Variants in FIP1L1 observed in about 807,000 individuals in gnomAD.
FIP1L1 encodes the protein factor interacting with PAPOLA and CPSF1, also known as pre-mRNA 3'-end-processing factor FIP1.
A neutral mutation model predicts 84.6 loss-of-function variants in FIP1L1; 21 were observed. The ratio of observed to expected loss-of-function variants is 0.25; its 90% confidence interval spans 0.18 to 0.36. The LOEUF is 0.36. Among genes scored for constraint, FIP1L1 ranks in the 10% least tolerant of loss-of-function variants. The pLI, the probability that FIP1L1 is intolerant of heterozygous loss-of-function variation, is 1.00. For missense variants in FIP1L1, 526 were observed against 751.1 expected, an observed-to-expected ratio of 0.70 and a Z score of 3.50; for synonymous variants, 263 against 242.3, an observed-to-expected ratio of 1.09 and a Z score of -0.80.
chr4:53,421,494 C>T (rs1378506842), intron 11 of FIP1L1, among the ~76,000 whole-genome samples: 1 of 152,180 alleles, frequency 6.6e-6, no homozygotes. Flanking sequence ...CCTAACGTAG[C>T]TTAAAAGATG....
rs114416155 is a variant in FIP1L1 at position 53,408,252 on chromosome 4, G to A, written c.816-6363G>A. 9.6e-3 allele frequency among the ~76,000 whole-genome samples: 1,460 copies of A among 152,204 alleles called. 9 individuals carry two copies. The highest frequency in any genetic ancestry group is 0.015 in the South Asian group (70 of 4,814). ...AATATTTTATTTCTCCATCTCTTATGAAGCTTAATTTGGCTGGACATGAAA... is the reference window on the plus strand; with the variant it reads ...AATATTTTATTTCTCCATCTCTTATAAAGCTTAATTTGGCTGGACATGAAA... On this transcript the variant is annotated intron_variant, in intron 10 of 17. Transcript: ENST00000337488.
intron 5 of FIP1L1, among the ~76,000 whole-genome samples, chr4:53,386,311 A>G (rs1941580799): frequency 6.6e-6 from 1 of 152,174 alleles, no homozygotes; most frequent in Non-Finnish European, 1.5e-5. Flanking sequence ...TTACCATGCT[A>G]CAAAAGAACC....
At chr4:53,401,799 G>T (rs9997905) in intron 10 of FIP1L1, among the ~76,000 whole-genome samples, 12 of 152,202 alleles carry the variant, frequency 7.9e-5, no homozygotes, top group African/African-American at 2.9e-4. Context: ...CCTATTGGAC[G>T]TGCAAGTGGG....
intron 15 of FIP1L1, among the ~76,000 whole-genome samples, chr4:53,447,088 T>C (rs548811186): frequency 6.6e-6 from 1 of 152,072 alleles, no homozygotes; most frequent in African/African-American, 2.4e-5. Context: ...AAATACAGCT[T>C]CTTTGTTGGT....
chr4:53,433,156 C>T lies in FIP1L1; in HGVS notation c.1174+4973C>T, dbSNP rs554130685. 7.2e-5 allele frequency among the ~76,000 whole-genome samples: 11 copies of T among 152,248 alleles called. No homozygotes were observed. In the East Asian group the frequency reaches 2.1e-3, roughly 29 times the overall value. ...TTGTGGTAAAATACAATCTATTTGTCATTTTAGCCATTTATAAATATGTAG... is the reference window on the plus strand; with the variant it reads ...TTGTGGTAAAATACAATCTATTTGTTATTTTAGCCATTTATAAATATGTAG... On this transcript the variant is annotated intron_variant, in intron 13 of 17. Coordinates refer to ENST00000337488, the MANE Select transcript of FIP1L1 (RefSeq NM_030917.4).
chr4:53,411,829 G>T (rs1757366132), intron 10 of FIP1L1, among the ~76,000 whole-genome samples: 1 of 152,020 alleles, frequency 6.6e-6, no homozygotes, highest in African/African-American at 2.4e-5. Context: ...TAATATATCA[G>T]AATGCTTTGC....
At chr4:53,386,006 T>C (rs962540602) in intron 5 of FIP1L1, among the ~76,000 whole-genome samples, 3 of 152,000 alleles carry the variant, frequency 2.0e-5, no homozygotes, top group Non-Finnish European at 4.4e-5. Flanking sequence ...TGAATTGATT[T>C]ATTGTAAATT....
At chr4:53,439,692 A>C (rs1273617192) in intron 13 of FIP1L1, among the ~76,000 whole-genome samples, 1 of 151,912 alleles carries the variant, frequency 6.6e-6, no homozygotes, top group Non-Finnish European at 1.5e-5. Context: ...AGTTACTTTA[A>C]ATTGTCTTAC....
At chr4:53,414,825 C>T in intron 11 of FIP1L1, 103 bp downstream of exon 11, 1 of 740,924 alleles carries the variant, frequency 1.3e-6, no homozygotes, top group South Asian at 1.9e-5. Flanking sequence ...CATATTTTTA[C>T]CCTCCAACTT....
intron 5 of FIP1L1, among the ~76,000 whole-genome samples, chr4:53,385,003 G>GT (rs1394680501): frequency 6.6e-6 from 1 of 152,102 alleles, no homozygotes; most frequent in Non-Finnish European, 1.5e-5. Context: ...AGTCAGTTTT[G>GT]TATTATAATA....
intron 10 of FIP1L1, among the ~76,000 whole-genome samples, chr4:53,410,084 G>A (rs1193290760): frequency 2.0e-5 from 3 of 152,172 alleles, no homozygotes; most frequent in African/African-American, 4.8e-5. Context: ...CTTCTGCGTC[G>A]CTCACGCTGG....
Position 53,389,847 on chromosome 4 carries a change from CAG to C in FIP1L1, c.372_373del (p.Gly126LysfsTer16), listed in dbSNP as rs1743193212. The C allele has an allele frequency of 6.2e-7, 1 of 1,600,660 alleles. No homozygotes were observed. The highest frequency in any genetic ancestry group is 1.1e-5 in the South Asian group (1 of 87,764). On this transcript the variant is annotated frameshift_variant, in exon 6 of 18. Transcript: ENST00000337488. LOFTEE classifies it high-confidence loss of function. ...GCACCTGTAAATCTTAACATCAAGACAGGGGGAAGAGTTTATGGAACTACAGG... is the reference window on the plus strand; with the variant it reads ...GCACCTGTAAATCTTAACATCAAGACGGGGAAGAGTTTATGGAACTACAGG...
At chr4:53,416,010 G>T (rs1458779505) in intron 11 of FIP1L1, among the ~76,000 whole-genome samples, 2 of 151,858 alleles carry the variant, frequency 1.3e-5, no homozygotes, top group Admixed American at 6.6e-5. Flanking sequence ...CTTTGTTTTC[G>T]AACACTAAAA....
intron 10 of FIP1L1, among the ~76,000 whole-genome samples, chr4:53,402,101 T>C (rs1436369304): frequency 6.6e-6 from 1 of 152,116 alleles, no homozygotes; most frequent in Non-Finnish European, 1.5e-5. Flanking sequence ...ATGATGTGTT[T>C]CAAGGAGAAA....
rs902901960 is a variant in FIP1L1 at position 53,415,861 on chromosome 4, A to G, written c.923+1139A>G. Among the ~76,000 whole-genome samples the G allele has an allele frequency of 1.1e-4, 16 of 152,346 alleles. No homozygotes were observed. The South Asian group carries it at 1.2e-3, about 12-fold the overall frequency. ...ACTGTAAGTCTAGCAACTAATGTAG[A>G]TAAAAATATATTAGCTGCATTCTTA... On this transcript the variant is annotated intron_variant, in intron 11 of 17. Transcript: ENST00000337488.
At chr4:53,406,323 G>A (rs62325171) in intron 10 of FIP1L1, among the ~76,000 whole-genome samples, 21,400 of 152,034 alleles carry the variant, frequency 0.14, 3,105 homozygotes, top group African/African-American at 0.36. Context: ...ATTGATTTTC[G>A]TATATTGAAC....
intron 15 of FIP1L1, among the ~76,000 whole-genome samples, chr4:53,445,836 A>T (rs1176764651): frequency 1.3e-5 from 2 of 152,254 alleles, no homozygotes; most frequent in East Asian, 3.9e-4. Context: ...TTGTATCTGC[A>T]TCTGTTCAGC....
intron 14 of FIP1L1, 86 bp downstream of exon 14, chr4:53,442,793 A>G (rs144661350): frequency 1.3e-6 from 1 of 765,220 alleles, no homozygotes; most frequent in East Asian, 2.6e-5. Flanking sequence ...CAGATATTTA[A>G]TTTTATAAAC....
chr4:53,453,113 T>G lies in FIP1L1; in HGVS notation c.1479T>G (p.Pro493=), dbSNP rs1182490237. 6.2e-7 allele frequency: 1 copy of G among 1,614,060 alleles called. No homozygotes were observed. The highest frequency in any genetic ancestry group is 8.5e-7 in the Non-Finnish European group (1 of 1,179,958). ...RERERERDHS[P]TPSVFNSDEE... ...GAGAGAGGGAGCGTGATCACAGTCCTACACCAAGTGTTTTCAACAGGTTTG... is the reference window on the plus strand; with the variant it reads ...GAGAGAGGGAGCGTGATCACAGTCCGACACCAAGTGTTTTCAACAGGTTTG... The change falls in exon 16 of 18, where the codon CCT becomes CCG. Residue 493 remains proline (P), a synonymous_variant. Transcript: ENST00000337488.
Sources: gnomAD v4.1 joint callset for allele counts (sites outside exome capture counted in the v4.1 genomes callset) on GRCh38, gnomAD v4.1.1 for gene constraint, MANE v1.5 for transcripts, NCBI Gene and HGNC (gene_info 2026-07-23, HGNC 2026-07-21) for gene names.